The following LOXL2 variants were observed in gnomAD, a reference collection of about 807,000 sequenced individuals.
LOXL2 encodes the protein lysyl oxidase like 2, also known as lysyl oxidase homolog 2.
LOXL2 carries 70 observed loss-of-function variants against 93.0 expected under a neutral mutation model. The observed-to-expected ratio is 0.75, with a 90% CI of 0.62 to 0.92. The LOEUF (loss-of-function observed/expected upper bound fraction) is 0.92, where lower values mean the gene tolerates loss of function less well. Ranked by LOEUF, LOXL2 falls within the 40% of genes least tolerant of loss-of-function variation. The pLI, the probability that LOXL2 is intolerant of heterozygous loss-of-function variation, is 0.00. For synonymous variants in LOXL2, 438 were observed against 413.2 expected (o/e 1.06, Z -0.73); for missense variants, 973 against 1,054.9 (o/e 0.92, Z 1.08).
intron 3 of LOXL2, among the ~76,000 whole-genome samples, chr8:23,353,035 G>T (rs1404975030): frequency 6.8e-6 from 1 of 147,372 alleles, no homozygotes; most frequent in Admixed American, 6.8e-5. Flanking sequence ...GTGGGGTGAG[G>T]TGGGGAGGGA....
intron 10 of LOXL2, among the ~76,000 whole-genome samples, chr8:23,305,232 C>T (rs73543960): frequency 0.016 from 2,363 of 152,242 alleles, 59 homozygotes; most frequent in African/African-American, 0.054. Context: ...GTTGATGCTC[C>T]GTTGTCTAAA....
At chr8:23,387,356 T>A (rs767919650) in intron 1 of LOXL2, among the ~76,000 whole-genome samples, 38 of 152,126 alleles carry the variant, frequency 2.5e-4, no homozygotes, top group Non-Finnish European at 4.7e-4. Flanking sequence ...TTAGAGGGAC[T>A]CGGGGATCGA....
At chr8:23,389,401 AT>A (rs1392832995) in intron 1 of LOXL2, among the ~76,000 whole-genome samples, 1 of 152,138 alleles carries the variant, frequency 6.6e-6, no homozygotes, top group African/African-American at 2.4e-5. Flanking sequence ...GTGTTATAGA[AT>A]TCACCTGCTT....
intron 1 of LOXL2, among the ~76,000 whole-genome samples, chr8:23,379,856 G>C (rs940547025): frequency 5.9e-5 from 9 of 152,140 alleles, no homozygotes; most frequent in Admixed American, 2.0e-4. Context: ...CCTTTACTAG[G>C]AAAGGGAATT....
Position 23,320,110 on chromosome 8 carries a change from C to T in LOXL2, c.1303-58G>A, listed in dbSNP as rs567073726. On this transcript the variant is annotated intron_variant, in intron 7 of 13. Coordinates refer to ENST00000389131, the MANE Select transcript of LOXL2 (RefSeq NM_002318.3). Reference sequence around the variant, plus strand: ...GAGGGACAAGGGAGCTTCCCCCCTACGCTGCCATCAGCCCCAGTGTCCTGG... The same window carrying T: ...GAGGGACAAGGGAGCTTCCCCCCTATGCTGCCATCAGCCCCAGTGTCCTGG... 343 of 1,555,664 alleles carry T rather than the reference C, an allele frequency of 2.2e-4. No individual in the cohort carries two copies. In the African/African-American group the frequency reaches 3.5e-3, roughly 16 times the overall value.
In LOXL2 at chr8:23,325,278, C is replaced by T. The variant is rs1274645623; in HGVS notation, c.1151-2997G>A. 3.9e-5 allele frequency among the ~76,000 whole-genome samples: 6 copies of T among 152,182 alleles called. No individual in the cohort carries two copies. In the East Asian group the frequency reaches 5.8e-4, roughly 15 times the overall value. On this transcript the variant is annotated intron_variant, in intron 6 of 13. Transcript: ENST00000389131. Reference sequence around the variant, plus strand: ...CTACTAGAAAATGCAAAGTTACATGCGTGGTTCCGGTTCTATTTGTTTTCT... The same window carrying T: ...CTACTAGAAAATGCAAAGTTACATGTGTGGTTCCGGTTCTATTTGTTTTCT...
chr8:23,363,621 C>T (rs1382105838), intron 2 of LOXL2: 1 of 152,192 alleles, frequency 6.6e-6, no homozygotes, highest in Non-Finnish European at 1.5e-5. Context: ...GAGAAACCCC[C>T]CTCGCTAAGG....
chr8:23,351,929 G>A (rs1467968568), intron 3 of LOXL2, among the ~76,000 whole-genome samples: 5 of 152,152 alleles, frequency 3.3e-5, no homozygotes, highest in Non-Finnish European at 7.3e-5. Flanking sequence ...GGGTTCAAGC[G>A]ATTCTCGAGT....
At chr8:23,298,231 T>C (rs1436732066) in intron 13 of LOXL2, 109 bp from the exon 14 acceptor site, 11 of 743,714 alleles carry the variant, frequency 1.5e-5, no homozygotes, top group Non-Finnish European at 2.4e-5. Context: ...CACCTGTGTG[T>C]GCCCTCCTCA....
At chr8:23,398,449 G>A (rs918780633) in intron 1 of LOXL2, among the ~76,000 whole-genome samples, 3 of 152,042 alleles carry the variant, frequency 2.0e-5, no homozygotes, top group African/African-American at 7.3e-5. Flanking sequence ...AATACTTAAG[G>A]TATCCCAAGT....
Position 23,360,325 on chromosome 8 carries a change from C to A in LOXL2, c.356-60G>T. On this transcript the variant is annotated intron_variant, in intron 2 of 13. Coordinates refer to ENST00000389131, the MANE Select transcript of LOXL2 (RefSeq NM_002318.3). ...GCGTCAATGCAGGTCTGAGTCTTTG[C>A]GGGGCACCAGTGTCTCACATGGAAA... is the stretch of plus-strand genomic sequence containing the variant. 4.5e-6 allele frequency: 6 copies of A among 1,328,632 alleles called. No homozygotes were observed. The South Asian group carries it at 6.7e-5, about 15-fold the overall frequency. 82.3% of individuals were successfully genotyped at this position (1,328,632 alleles called of 1,614,324 possible). A position where few individuals can be genotyped will look rare whatever the true frequency, so the allele number is the denominator to read the frequency against.
intron 10 of LOXL2, among the ~76,000 whole-genome samples, chr8:23,305,753 G>T (rs543347205): frequency 6.6e-6 from 1 of 152,068 alleles, no homozygotes. Context: ...AGGTCACTGT[G>T]ATCTGGACAA....
intron 3 of LOXL2, among the ~76,000 whole-genome samples, chr8:23,356,297 G>A (rs984817759): frequency 2.0e-5 from 3 of 152,292 alleles, no homozygotes; most frequent in South Asian, 4.1e-4. Context: ...CCAACTGCAC[G>A]TCCACAAGCT....
At chr8:23,375,185 C>T (rs956306676) in intron 1 of LOXL2, among the ~76,000 whole-genome samples, 1 of 152,136 alleles carries the variant, frequency 6.6e-6, no homozygotes, top group Non-Finnish European at 1.5e-5. Context: ...TTTCCCAGCA[C>T]CATTTATTAA....
At chr8:23,385,480 G>T (rs1804746591) in intron 1 of LOXL2, among the ~76,000 whole-genome samples, 1 of 148,350 alleles carries the variant, frequency 6.7e-6, no homozygotes, top group South Asian at 2.1e-4. Context: ...GACTGGTCTT[G>T]AACTCCTGAC....
At chr8:23,353,682 G>A (rs1362911682) in intron 3 of LOXL2, among the ~76,000 whole-genome samples, 3 of 152,210 alleles carry the variant, frequency 2.0e-5, no homozygotes, top group African/African-American at 7.2e-5. Context: ...TTCAGTGGTA[G>A]GACTAACCCA....
chr8:23,321,884 A>T, intron 7 of LOXL2: 1 of 495,970 alleles, frequency 2.0e-6, no homozygotes, highest in Admixed American at 3.6e-5. Flanking sequence ...AACTCACCTC[A>T]GATGTTAACA....
chr8:23,365,001 A>G (rs144301168), intron 2 of LOXL2: 1 of 152,388 alleles, frequency 6.6e-6, no homozygotes, highest in African/African-American at 2.4e-5. Context: ...TTCAGCTGCT[A>G]TAACCTCGAA....
In LOXL2 at chr8:23,319,988, C is replaced by T; in HGVS notation, c.1367G>A (p.Gly456Glu). The T allele has an allele frequency of 6.2e-7, 1 of 1,614,108 alleles. No individual in the cohort carries two copies. Among genetic ancestry groups the T allele is most frequent in the Non-Finnish European group, 8.5e-7 (1 of 1,179,970 alleles). The change falls in exon 8 of 14, where the codon GGG (glycine) becomes GAG (glutamate). Residue 456 changes from glycine to glutamate, a missense_variant. Transcript: ENST00000389131. ...ACACACCATCCCCCACACAAGGGAC[C>T]CGTTTCTCTCCACCAGCACCTCCAC... ...GRVEVLVERNGSLVWGMVCGQ... is the reference protein window; with the variant it reads ...GRVEVLVERNESLVWGMVCGQ...
Sources: gnomAD v4.1 joint callset for allele counts (sites outside exome capture counted in the v4.1 genomes callset) on GRCh38, gnomAD v4.1.1 for gene constraint, MANE v1.5 for transcripts, NCBI Gene and HGNC (gene_info 2026-07-23, HGNC 2026-07-21) for gene names.